Variants in IRAG1 observed in about 807,000 individuals in gnomAD.
IRAG1 encodes the protein inositol 1,4,5-triphosphate receptor associated 1.
Under a neutral mutation model 106.2 loss-of-function variants are expected in IRAG1, and 62 were observed. That is an observed-to-expected ratio of 0.58 (90% CI 0.48 to 0.72). The LOEUF (loss-of-function observed/expected upper bound fraction) is 0.72. Ranked by LOEUF, IRAG1 falls within the 30% of genes least tolerant of loss-of-function variation. The probability of loss-of-function intolerance (pLI) is 0.00; values close to 1 mark genes in which losing one functional copy is unlikely to be tolerated. For missense variants in IRAG1, 1,064 were observed against 1,140.7 expected, an observed-to-expected ratio of 0.93 and a Z score of 0.97; for synonymous variants, 462 against 443.9, an observed-to-expected ratio of 1.04 and a Z score of -0.51.
rs200197925 is a variant in IRAG1, at chr11:10,626,333, A to C, written c.1001T>G (p.Leu334Arg). The change falls in exon 9 of 21, where the codon CTC (leucine) becomes CGC (arginine). Residue 334 changes from leucine (L) to arginine (R), a missense_variant. Leu to Arg is a moderately radical substitution (Grantham distance 102). Transcript: ENST00000423302. ...GPVESELGKQ[L>R]LKTGWEGSPL... ...GCTGCCCTCCCAGCCCGTTTTCAAG[A>C]GCTGCTTCCCCAGCTCGCTCTCCAC... The C allele has an allele frequency of 5.9e-4, 951 of 1,613,528 alleles. 3 individuals are homozygous for C. The highest frequency in any genetic ancestry group is 2.8e-3 in the Middle Eastern group (17 of 6,060).
At position 10,604,441 on chromosome 11, in the gene IRAG1, A is replaced by G. The variant is rs1430136633; in HGVS notation, c.1707T>C (p.Thr569=). 6.2e-7 allele frequency: 1 copy of G among 1,613,900 alleles called. No individual in the cohort carries two copies. The highest frequency in any genetic ancestry group is 1.3e-5 in the African/African-American group (1 of 74,918). Residue 569 remains threonine, a synonymous_variant, in exon 13 of 21, where the codon ACT becomes ACC. Transcript: ENST00000423302. ...ERERNLTEEN[T]EKELENFKAS... ...CTTTGAAGTTTTCCAGTTCTTTCTC[A>G]GTGTTCTCCTCTGTCAGGTTGCGTT...
intron 1 of IRAG1, 158 bp downstream of exon 1, chr11:10,693,378 A>G: frequency 7.4e-7 from 1 of 1,349,096 alleles, no homozygotes; most frequent in South Asian, 1.6e-5. Flanking sequence ...AGCAACAATA[A>G]AGATACTCAG....
At chr11:10,677,878 A>G (rs1860816389) in intron 1 of IRAG1, among the ~76,000 whole-genome samples, 1 of 152,188 alleles carries the variant, frequency 6.6e-6, no homozygotes, top group Admixed American at 6.5e-5. Context: ...CAACCATACA[A>G]TATGTGACAT....
At chr11:10,674,213 T>G (rs1055720392) in intron 1 of IRAG1, among the ~76,000 whole-genome samples, 4 of 152,132 alleles carry the variant, frequency 2.6e-5, no homozygotes, top group Non-Finnish European at 4.4e-5. Flanking sequence ...AGAGCTGGGA[T>G]GCAGTAATTC....
At chr11:10,603,083 AAC>A in intron 14 of IRAG1, 35 bp downstream of exon 14, 1 of 1,593,986 alleles carries the variant, frequency 6.3e-7, no homozygotes, top group African/African-American at 1.3e-5. Context: ...ACGTAGGTGG[AAC>A]AGAGTTGGCA....
chr11:10,677,021 T>C (rs777137278), intron 1 of IRAG1, among the ~76,000 whole-genome samples: 22 of 152,198 alleles, frequency 1.4e-4, no homozygotes, highest in Non-Finnish European at 3.2e-4. Context: ...GACTCCCCAC[T>C]GCCTGGAGAT....
intron 1 of IRAG1, among the ~76,000 whole-genome samples, chr11:10,692,393 C>T (rs1297989090): frequency 2.6e-5 from 4 of 152,158 alleles, no homozygotes; most frequent in African/African-American, 4.8e-5. Context: ...GTCCTAGCTC[C>T]GCTCCATCTT....
At chr11:10,589,792 ATGCCAC>A (rs1276905299) in intron 18 of IRAG1, among the ~76,000 whole-genome samples, 1 of 152,208 alleles carries the variant, frequency 6.6e-6, no homozygotes, top group Non-Finnish European at 1.5e-5. Context: ...TGGAAAGGTG[ATGCCAC>A]TATTGATCGT....
chr11:10,594,215 A>C lies in IRAG1; in HGVS notation c.2018-20T>G, dbSNP rs904911106. 2 of 1,604,920 alleles carry C rather than the reference A, an allele frequency of 1.2e-6. No individual in the cohort carries two copies. Among genetic ancestry groups the C allele is most frequent in the Non-Finnish European group, 1.7e-6 (2 of 1,175,624 alleles). Reference sequence around the variant, plus strand: ...CATCTTCTGCAGCAGGAGGGAGCAGAGAAGAGAACACAGGTAAGTTTCAGG... The same window carrying C: ...CATCTTCTGCAGCAGGAGGGAGCAGCGAAGAGAACACAGGTAAGTTTCAGG... On this transcript the variant is annotated intron_variant, in intron 15 of 20. Transcript: ENST00000423302.
intron 15 of IRAG1, 116 bp from the exon 16 acceptor site, chr11:10,594,311 C>G (rs1853023934): frequency 1.0e-6 from 1 of 961,110 alleles, no homozygotes; most frequent in Non-Finnish European, 1.6e-6. Flanking sequence ...AAGGGATAGC[C>G]CAAGGGTCTG....
intron 15 of IRAG1, among the ~76,000 whole-genome samples, chr11:10,596,530 T>C (rs1317081516): frequency 1.3e-5 from 2 of 152,214 alleles, no homozygotes; most frequent in Non-Finnish European, 2.9e-5. Context: ...AATCCAATGA[T>C]TGATGACTTT....
At chr11:10,594,870 C>T (rs1366212504) in intron 15 of IRAG1, among the ~76,000 whole-genome samples, 3 of 152,042 alleles carry the variant, frequency 2.0e-5, no homozygotes, top group African/African-American at 7.2e-5. Flanking sequence ...CTTTCATATC[C>T]ATATATTTTT....
chr11:10,595,239 T>A lies in IRAG1; in HGVS notation c.2018-1044A>T, dbSNP rs1295386140. ...CACACCTGGCCTGTTTTTTTCATAA[T>A]CTAATCTGAGATTCTCTATTAACCA... On this transcript the variant is annotated intron_variant, in intron 15 of 20. Coordinates refer to ENST00000423302, the MANE Select transcript of IRAG1 (RefSeq NM_130385.4). 4.6e-5 allele frequency among the ~76,000 whole-genome samples: 7 copies of A among 152,316 alleles called. No individual in the cohort carries two copies. In the East Asian group the frequency reaches 7.7e-4, roughly 17 times the overall value.
chr11:10,687,588 A>C, intron 1 of IRAG1: 1 of 1,044,040 alleles, frequency 9.6e-7, no homozygotes, highest in Non-Finnish European at 1.2e-6. Flanking sequence ...AACAAGCCTT[A>C]AAGCTTCAGT....
At position 10,684,894 on chromosome 11, in the gene IRAG1, A is replaced by G. The variant is rs114600734; in HGVS notation, c.67+8642T>C. Reference sequence around the variant, plus strand: ...GGACAGACTATGTGAATATCACATAATAACTACCATTTTATAGAGCATTTT... The same window carrying G: ...GGACAGACTATGTGAATATCACATAGTAACTACCATTTTATAGAGCATTTT... On this transcript the variant is annotated intron_variant, in intron 1 of 20. Coordinates refer to ENST00000423302, the MANE Select transcript of IRAG1 (RefSeq NM_130385.4). 5.3e-3 allele frequency among the ~76,000 whole-genome samples: 800 copies of G among 152,278 alleles called. 8 individuals are homozygous for G. The highest frequency in any genetic ancestry group is 0.018 in the African/African-American group (757 of 41,574).
chr11:10,627,587 A>G, intron 8 of IRAG1, 129 bp downstream of exon 8: 1 of 943,668 alleles, frequency 1.1e-6, no homozygotes, highest in Non-Finnish European at 1.7e-6. Context: ...CTGTTTCCCC[A>G]GCCCTGACCC....
At chr11:10,693,088 C>T (rs1195549935) in intron 1 of IRAG1, among the ~76,000 whole-genome samples, 6 of 152,076 alleles carry the variant, frequency 3.9e-5, no homozygotes, top group African/African-American at 1.4e-4. Flanking sequence ...AGGATCTAGA[C>T]AGGTCATGCC....
At chr11:10,652,774 G>A (rs1035690489) in intron 1 of IRAG1, among the ~76,000 whole-genome samples, 3 of 152,114 alleles carry the variant, frequency 2.0e-5, no homozygotes, top group African/African-American at 7.2e-5. Flanking sequence ...GGGAGTAAGA[G>A]GTGCTGTTTC....
intron 1 of IRAG1, among the ~76,000 whole-genome samples, chr11:10,683,716 T>G (rs1312118621): frequency 2.0e-5 from 3 of 152,336 alleles, no homozygotes; most frequent in Middle Eastern, 3.4e-3. Context: ...TCTCTGGCAG[T>G]GACTGTGACT....
Sources: gnomAD v4.1 joint callset for allele counts (sites outside exome capture counted in the v4.1 genomes callset) on GRCh38, gnomAD v4.1.1 for gene constraint, MANE v1.5 for transcripts, NCBI Gene and HGNC (gene_info 2026-07-23, HGNC 2026-07-21) for gene names.